GRID1: variants seen among roughly 807,000 people sequenced by gnomAD.
GRID1 encodes the protein glutamate receptor ionotropic, delta-1.
Under a neutral mutation model 98.0 loss-of-function variants are expected in GRID1, and 28 were observed. That is an observed-to-expected ratio of 0.29 (90% CI 0.21 to 0.39). GRID1 has a LOEUF of 0.39. Among genes scored for constraint, GRID1 ranks in the 10% least tolerant of loss-of-function variants. The pLI, the probability that GRID1 is intolerant of heterozygous loss-of-function variation, is 1.00. For missense variants in GRID1, 1,111 were observed against 1,340.5 expected (o/e 0.83, Z 2.67); for synonymous variants, 553 against 538.5 (o/e 1.03, Z -0.37).
rs1376700887 is a variant in GRID1 at position 85,727,848 on chromosome 10, GAC to G, written c.1533+5_1533+6del. Reference sequence around the variant, plus strand: ...CCCCTCCCCCTGGATCTGCTATGGGGACCTACCTTGCTGATGAGCTCCCCGAT... The same window carrying G: ...CCCCTCCCCCTGGATCTGCTATGGGGCTACCTTGCTGATGAGCTCCCCGAT... On this transcript the variant is annotated splice_donor_5th_base_variant and intron_variant, in intron 10 of 15. Transcript: ENST00000327946. 17 of 1,609,568 alleles carry G rather than the reference GAC, an allele frequency of 1.1e-5. No homozygotes were observed. The African/African-American group carries it at 2.1e-4, about 20-fold the overall frequency.
At chr10:86,358,312 G>A (rs974236543) in intron 2 of GRID1, among the ~76,000 whole-genome samples, 3 of 152,174 alleles carry the variant, frequency 2.0e-5, no homozygotes, top group Admixed American at 2.0e-4. Flanking sequence ...AAGTGGAGGT[G>A]GACAATGCAT....
chr10:85,967,145 G>C (rs1283268107), intron 4 of GRID1, among the ~76,000 whole-genome samples: 3 of 152,158 alleles, frequency 2.0e-5, no homozygotes, highest in Admixed American at 6.5e-5. Context: ...CCATGATTGT[G>C]AGGCCTCCCC....
chr10:86,089,234 A>G (rs1844107873), intron 4 of GRID1, among the ~76,000 whole-genome samples: 1 of 152,212 alleles, frequency 6.6e-6, no homozygotes, highest in Admixed American at 6.5e-5. Flanking sequence ...TCTGGGGAGC[A>G]GTAACGATGC....
chr10:85,773,814 G>T (rs1842299582), intron 8 of GRID1, among the ~76,000 whole-genome samples: 1 of 152,170 alleles, frequency 6.6e-6, no homozygotes, highest in Non-Finnish European at 1.5e-5. Flanking sequence ...ACTGCTCAAT[G>T]AAATGAAAGA....
rs371826015 is a variant in GRID1 at position 85,662,466 on chromosome 10, C to T, written c.1998-15069G>A. Among the ~76,000 whole-genome samples the T allele has an allele frequency of 5.2e-4, 79 of 152,318 alleles. 1 individual carries two copies. Among genetic ancestry groups the T allele is most frequent in the Admixed American group, 2.0e-3 (30 of 15,312 alleles). ...GAAAGGAGCCGCTGGGCCAGCAACG[C>T]GGCTGTGGGTGGAGCCATCTCAGCC... On this transcript the variant is annotated intron_variant, in intron 12 of 15. Transcript: ENST00000327946.
intron 4 of GRID1, among the ~76,000 whole-genome samples, chr10:86,005,629 G>T (rs1001313428): frequency 6.6e-6 from 1 of 152,188 alleles, no homozygotes; most frequent in African/African-American, 2.4e-5. Context: ...ATTTTGGTGG[G>T]GGTCATAGTG....
chr10:86,128,082 TG>T (rs1242807442), intron 4 of GRID1, among the ~76,000 whole-genome samples: 1 of 152,126 alleles, frequency 6.6e-6, no homozygotes, highest in African/African-American at 2.4e-5. Context: ...CCAAGGACAA[TG>T]CCCCTTCCTC....
intron 4 of GRID1, among the ~76,000 whole-genome samples, chr10:86,095,381 T>C (rs981129134): frequency 1.3e-5 from 2 of 152,186 alleles, no homozygotes; most frequent in Non-Finnish European, 2.9e-5. Context: ...AAAGAGCTTT[T>C]GCATGGAAAA....
At position 85,724,682 on chromosome 10, in the gene GRID1, AG is replaced by A; in HGVS notation, c.1534-7del. 2 of 1,603,338 alleles carry A rather than the reference AG, an allele frequency of 1.2e-6. No homozygotes were observed. Among genetic ancestry groups the A allele is most frequent in the Non-Finnish European group, 1.7e-6 (2 of 1,175,552 alleles). ...GAGATGGCCAAGTCTGCTCTCTGAA[AG>A]GCAAAGCCATCTCATTTAGACGGCA... On this transcript the variant is annotated splice_polypyrimidine_tract_variant and splice_region_variant and intron_variant, in intron 10 of 15. Transcript: ENST00000327946.
intron 6 of GRID1, among the ~76,000 whole-genome samples, chr10:85,863,352 C>T (rs181827028): frequency 2.6e-5 from 4 of 152,266 alleles, no homozygotes; most frequent in Admixed American, 6.5e-5. Context: ...AGGGCTCCCC[C>T]CCTCATCACC....
intron 12 of GRID1, among the ~76,000 whole-genome samples, chr10:85,713,615 T>C (rs1841605175): frequency 7.1e-6 from 1 of 140,582 alleles, no homozygotes; most frequent in Non-Finnish European, 1.5e-5. Flanking sequence ...CTAACAAACC[T>C]AATTCAATAG....
intron 11 of GRID1, among the ~76,000 whole-genome samples, chr10:85,723,968 T>C (rs1841732315): frequency 6.6e-6 from 1 of 152,206 alleles, no homozygotes. Context: ...AAGTACTGCT[T>C]AAATGATTGC....
intron 2 of GRID1, among the ~76,000 whole-genome samples, chr10:86,300,146 G>A (rs1847660719): frequency 6.6e-6 from 1 of 152,048 alleles, no homozygotes; most frequent in African/African-American, 2.4e-5. Flanking sequence ...TGAGGATGGT[G>A]GCAGAAAATG....
At chr10:86,338,294 C>T (rs760612425) in intron 2 of GRID1, among the ~76,000 whole-genome samples, 1 of 152,132 alleles carries the variant, frequency 6.6e-6, no homozygotes, top group Non-Finnish European at 1.5e-5. Flanking sequence ...CTGAAGACCT[C>T]TTTCCCCTCG....
rs762690651 is a variant in GRID1 at position 85,673,757 on chromosome 10, G to A, written c.1998-26360C>T. ...CACTGGAAAACCAAAAAATTCCTGC[G>A]ACTTTATTTATTGCAATATTCACTT... On this transcript the variant is annotated intron_variant, in intron 12 of 15. Transcript: ENST00000327946. Among the ~76,000 whole-genome samples the A allele has an allele frequency of 4.6e-5, 7 of 152,108 alleles. No homozygotes were observed. The South Asian group carries it at 6.2e-4, about 14-fold the overall frequency.
At chr10:85,807,267 TTGAACCCAGGAGGCAGAGGTTGCAG>T (rs1414384218) in intron 8 of GRID1, among the ~76,000 whole-genome samples, 1 of 151,772 alleles carries the variant, frequency 6.6e-6, no homozygotes, top group East Asian at 1.9e-4. Flanking sequence ...GGAGAATCAC[TTGAACCCAGGAGGCAGAGGTTGCAG>T]TGAGCTGAGA....
chr10:85,835,179 GA>G (rs941262900), intron 8 of GRID1, among the ~76,000 whole-genome samples: 30 of 152,196 alleles, frequency 2.0e-4, no homozygotes, highest in African/African-American at 7.2e-4. Context: ...AATGCATGAA[GA>G]AAAAACTGAT....
At chr10:85,937,361 C>T (rs76767108) in intron 4 of GRID1, among the ~76,000 whole-genome samples, 7,191 of 152,278 alleles carry the variant, frequency 0.047, 555 homozygotes, top group African/African-American at 0.16. Flanking sequence ...AAGGTAGCAC[C>T]TTCTGACTGG....
At chr10:85,641,797 G>C (rs541054112) in intron 13 of GRID1, among the ~76,000 whole-genome samples, 2 of 152,286 alleles carry the variant, frequency 1.3e-5, no homozygotes, top group South Asian at 4.1e-4. Context: ...GGGTCTCAGC[G>C]CAGTGAGGGA....
Sources: gnomAD v4.1 joint callset for allele counts (sites outside exome capture counted in the v4.1 genomes callset) on GRCh38, gnomAD v4.1.1 for gene constraint, MANE v1.5 for transcripts, NCBI Gene and HGNC (gene_info 2026-07-23, HGNC 2026-07-21) for gene names.